The following KIZ variants were observed in gnomAD, a reference collection of about 807,000 sequenced individuals.
KIZ encodes kizuna centrosomal protein, also known as centrosomal protein kizuna.
A neutral mutation model predicts 79.6 loss-of-function variants in KIZ; 68 were observed. The ratio of observed to expected loss-of-function variants is 0.85; its 90% CI spans 0.70 to 1.05. The LOEUF is 1.05. KIZ is among the 50% of genes least tolerant of loss of function. KIZ has a pLI of 0.00. For missense variants in KIZ, 797 were observed against 800.4 expected (o/e 1.00, Z 0.05); for synonymous variants, 280 against 281.8 (o/e 0.99, Z 0.06).
chr20:21,191,636 T>C (rs2035109233), intron 6 of KIZ, among the ~76,000 whole-genome samples: 1 of 152,244 alleles, frequency 6.6e-6, no homozygotes, highest in Admixed American at 6.5e-5. Context: ...ATCGTCATGG[T>C]TTAAAAATTA....
At chr20:21,182,746 G>A (rs2034709114) in intron 6 of KIZ, among the ~76,000 whole-genome samples, 2 of 148,690 alleles carry the variant, frequency 1.3e-5, no homozygotes, top group Non-Finnish European at 3.0e-5. Context: ...GCAGTGAGCC[G>A]AGATTGTGCC....
At chr20:21,242,943 C>A (rs1412591403) in intron 11 of KIZ, among the ~76,000 whole-genome samples, 1 of 152,208 alleles carries the variant, frequency 6.6e-6, no homozygotes, top group Non-Finnish European at 1.5e-5. Context: ...CTTTCCACCC[C>A]TCCTAGCATT....
At chr20:21,210,051 TTAATA>T (rs2036004150) in intron 7 of KIZ, among the ~76,000 whole-genome samples, 1 of 152,190 alleles carries the variant, frequency 6.6e-6, no homozygotes, top group Non-Finnish European at 1.5e-5. Context: ...TTTTAAATAT[TTAATA>T]TATTGATATG....
At chr20:21,188,756 G>A (rs2034995677) in intron 6 of KIZ, among the ~76,000 whole-genome samples, 1 of 151,392 alleles carries the variant, frequency 6.6e-6, no homozygotes, top group Non-Finnish European at 1.5e-5. Context: ...CTGGAGTGCA[G>A]TGGCACGATC....
At chr20:21,176,452 C>T (rs1220379971) in intron 6 of KIZ, among the ~76,000 whole-genome samples, 1 of 151,986 alleles carries the variant, frequency 6.6e-6, no homozygotes, top group African/African-American at 2.4e-5. Flanking sequence ...TAACTTCTAA[C>T]CAGATGAACA....
intron 10 of KIZ, among the ~76,000 whole-genome samples, chr20:21,229,773 G>A (rs1188627758): frequency 2.0e-5 from 3 of 151,866 alleles, no homozygotes; most frequent in African/African-American, 7.3e-5. Flanking sequence ...GTAGGGTTTT[G>A]CCATGTTGCT....
At chr20:21,172,414 G>A (rs1437792895) in intron 6 of KIZ, among the ~76,000 whole-genome samples, 1 of 152,048 alleles carries the variant, frequency 6.6e-6, no homozygotes, top group East Asian at 1.9e-4. Context: ...ACCAGCCTGG[G>A]CAACGTGGTG....
chr20:21,167,173 T>A (rs1412648930), intron 6 of KIZ, among the ~76,000 whole-genome samples: 1 of 152,144 alleles, frequency 6.6e-6, no homozygotes, highest in Non-Finnish European at 1.5e-5. Flanking sequence ...CAGACTTCTG[T>A]CTCATGGGAA....
chr20:21,234,713 A>G (rs754322885), intron 11 of KIZ, among the ~76,000 whole-genome samples: 12 of 142,536 alleles, frequency 8.4e-5, no homozygotes, highest in Non-Finnish European at 1.0e-4. Context: ...TCTTTGCTCT[A>G]TTTTGTCAGT....
At chr20:21,228,281 T>TA (rs1165149321) in intron 9 of KIZ, among the ~76,000 whole-genome samples, 4 of 152,200 alleles carry the variant, frequency 2.6e-5, no homozygotes, top group African/African-American at 9.7e-5. Context: ...CCTTGAAACT[T>TA]AGAGTAATGG....
chr20:21,198,860 A>AT (rs2035470511), intron 6 of KIZ: 1 of 152,766 alleles, frequency 6.5e-6, no homozygotes, highest in South Asian at 2.1e-4. Context: ...ATCCTGCAGA[A>AT]TAAAAACCAC....
chr20:21,215,732 G>C (rs565547826), intron 9 of KIZ, 84 bp downstream of exon 9: 19 of 838,852 alleles, frequency 2.3e-5, no homozygotes, highest in African/African-American at 1.7e-4. Flanking sequence ...GTGGTTTGTG[G>C]ACCCCACTAA....
rs557818373 is a variant in KIZ at position 21,176,796 on chromosome 20, A to G, written c.1352+13637A>G. Among the ~76,000 whole-genome samples the G allele has an allele frequency of 1.8e-4, 28 of 152,362 alleles. No homozygotes were observed. The South Asian group carries it at 5.6e-3, about 30-fold the overall frequency. ...TAATAAAGAATAAAAAAGTAATGCT[A>G]GAATTAAACTCTGTAACAGAAATAA... On this transcript the variant is annotated intron_variant, in intron 6 of 12. Transcript: ENST00000619189.
intron 9 of KIZ, among the ~76,000 whole-genome samples, chr20:21,221,098 C>CA (rs1275674198): frequency 1.3e-5 from 2 of 152,164 alleles, no homozygotes; most frequent in African/African-American, 4.8e-5. Flanking sequence ...CTGAAACACT[C>CA]AGGCCATGAG....
chr20:21,135,579 A>T (rs1044769358), intron 2 of KIZ, among the ~76,000 whole-genome samples: 2 of 152,200 alleles, frequency 1.3e-5, no homozygotes, highest in Admixed American at 1.3e-4. Context: ...TTTGAGGGTG[A>T]ATATTTTTGT....
intron 3 of KIZ, among the ~76,000 whole-genome samples, chr20:21,142,084 C>T (rs953532038): frequency 3.9e-5 from 6 of 151,936 alleles, no homozygotes; most frequent in African/African-American, 7.3e-5. Context: ...CTCCCGCACA[C>T]GTACACACAC....
At chr20:21,239,550 G>C (rs1450265944) in intron 11 of KIZ, among the ~76,000 whole-genome samples, 1 of 152,114 alleles carries the variant, frequency 6.6e-6, no homozygotes, top group Admixed American at 6.5e-5. Context: ...CTTGGCCTTG[G>C]GTATTCTGTG....
intron 6 of KIZ, among the ~76,000 whole-genome samples, chr20:21,191,849 A>G (rs555428731): frequency 8.2e-4 from 121 of 147,296 alleles, no homozygotes; most frequent in East Asian, 2.7e-3. Context: ...AAAAGAAAGA[A>G]AAAAAAAAAA....
At chr20:21,232,251 G>A (rs2036858987) in intron 10 of KIZ, among the ~76,000 whole-genome samples, 1 of 152,180 alleles carries the variant, frequency 6.6e-6, no homozygotes, top group Non-Finnish European at 1.5e-5. Flanking sequence ...GTAAAGAGTG[G>A]CCTTGATGAT....
Sources: allele counts gnomAD v4.1 joint callset (sites outside exome capture counted in the v4.1 genomes callset), GRCh38; gene constraint gnomAD v4.1.1; transcripts MANE v1.5; gene names NCBI Gene and HGNC (gene_info 2026-07-23, HGNC 2026-07-21).